Variants in SPOCK1 observed in about 807,000 individuals in gnomAD.
The protein encoded by SPOCK1 is SPARC (osteonectin), cwcv and kazal like domains proteoglycan 1.
Under a neutral mutation model 55.3 loss-of-function variants are expected in SPOCK1, and 23 were observed. That is an observed-to-expected ratio of 0.42 (90% CI 0.30 to 0.59). The LOEUF (loss-of-function observed/expected upper bound fraction) is 0.59. Among genes scored for constraint, SPOCK1 ranks in the 20% least tolerant of loss-of-function variants. The probability of loss-of-function intolerance (pLI) is 0.22; values close to 1 mark genes in which losing one functional copy is unlikely to be tolerated. For missense variants in SPOCK1, 499 were observed against 552.5 expected, an observed-to-expected ratio of 0.90 and a Z score of 0.97; for synonymous variants, 226 against 221.0, an observed-to-expected ratio of 1.02 and a Z score of -0.20.
chr5:137,148,025 C>T (rs1754237935), intron 3 of SPOCK1, among the ~76,000 whole-genome samples: 2 of 152,178 alleles, frequency 1.3e-5, no homozygotes, highest in South Asian at 4.1e-4. Flanking sequence ...GCGCCTTTCC[C>T]TTCCCTACCC....
intron 5 of SPOCK1, among the ~76,000 whole-genome samples, chr5:137,079,349 C>T (rs948471298): frequency 1.3e-5 from 2 of 152,200 alleles, no homozygotes; most frequent in African/African-American, 4.8e-5. Context: ...GACAGCCCCA[C>T]CCATCTAACC....
chr5:137,031,155 C>A (rs148063612), intron 6 of SPOCK1, among the ~76,000 whole-genome samples: 2 of 152,280 alleles, frequency 1.3e-5, no homozygotes, highest in Non-Finnish European at 2.9e-5. Context: ...GTACCATTTC[C>A]TAACTCTTTT....
At chr5:137,120,138 AC>A (rs1313651265) in intron 4 of SPOCK1, among the ~76,000 whole-genome samples, 3 of 152,012 alleles carry the variant, frequency 2.0e-5, no homozygotes, top group African/African-American at 7.3e-5. Flanking sequence ...TATGTGCTTC[AC>A]CCCGTCTTGC....
At chr5:137,495,203 T>C (rs928797502) in intron 2 of SPOCK1, among the ~76,000 whole-genome samples, 3 of 152,182 alleles carry the variant, frequency 2.0e-5, no homozygotes, top group African/African-American at 7.2e-5. Flanking sequence ...AGGCTTTACT[T>C]CTAAAAAGAA....
intron 3 of SPOCK1, among the ~76,000 whole-genome samples, chr5:137,259,608 T>C (rs1171245219): frequency 6.6e-6 from 1 of 150,806 alleles, no homozygotes; most frequent in Non-Finnish European, 1.5e-5. Flanking sequence ...CTGCACATTC[T>C]GCACATGTGC....
intron 2 of SPOCK1, among the ~76,000 whole-genome samples, chr5:137,348,904 G>A (rs992861877): frequency 1.3e-5 from 2 of 152,190 alleles, no homozygotes; most frequent in African/African-American, 4.8e-5. Context: ...ACCCACTGCA[G>A]ATCAATACAG....
At position 137,297,270 on chromosome 5, in the gene SPOCK1, T is replaced by C. The variant is rs187756412; in HGVS notation, c.187-30215A>G. ...ATTAAGACTGTCCTCAGAATGCGTC[T>C]CCTTTGGAATTACTGAGTAAACTAT... is the stretch of plus-strand genomic sequence containing the variant. On this transcript the variant is annotated intron_variant, in intron 2 of 10. Coordinates refer to ENST00000394945, the MANE Select transcript of SPOCK1 (RefSeq NM_004598.4). 6.1e-3 allele frequency among the ~76,000 whole-genome samples: 935 copies of C among 152,312 alleles called. 1 individual carries two copies. Among genetic ancestry groups the C allele is most frequent in the Non-Finnish European group, 0.01 (683 of 68,034 alleles).
chr5:137,477,368 T>A (rs150033721), intron 2 of SPOCK1, among the ~76,000 whole-genome samples: 142 of 152,298 alleles, frequency 9.3e-4, no homozygotes, highest in Non-Finnish European at 1.8e-3. Flanking sequence ...TTTTTGTTTG[T>A]GTTTTTTTTA....
At chr5:137,164,786 C>T (rs1339503830) in intron 3 of SPOCK1, among the ~76,000 whole-genome samples, 2 of 152,162 alleles carry the variant, frequency 1.3e-5, no homozygotes, top group African/African-American at 4.8e-5. Context: ...GGCAGTACTC[C>T]CTGTGAGCCT....
At chr5:137,435,341 G>A (rs147968104) in intron 2 of SPOCK1, among the ~76,000 whole-genome samples, 148 of 152,314 alleles carry the variant, frequency 9.7e-4, no homozygotes, top group African/African-American at 3.3e-3. Context: ...CTGCCAAATT[G>A]ATTTATCTAA....
At chr5:137,457,911 C>T (rs1004402298) in intron 2 of SPOCK1, among the ~76,000 whole-genome samples, 2 of 152,222 alleles carry the variant, frequency 1.3e-5, no homozygotes, top group African/African-American at 4.8e-5. Context: ...AGAAAACCCA[C>T]AGAAATGACT....
chr5:137,296,756 T>C (rs1039820556), intron 2 of SPOCK1, among the ~76,000 whole-genome samples: 1 of 152,128 alleles, frequency 6.6e-6, no homozygotes, highest in African/African-American at 2.4e-5. Context: ...AAAAGGTACA[T>C]TCAATGCTAT....
At chr5:137,344,926 C>T (rs777203780) in intron 2 of SPOCK1, among the ~76,000 whole-genome samples, 15 of 152,340 alleles carry the variant, frequency 9.8e-5, no homozygotes, top group East Asian at 1.9e-4. Context: ...TACCACCAGG[C>T]AGCAGTGCTG....
chr5:137,488,135 A>G (rs1218389951), intron 2 of SPOCK1, among the ~76,000 whole-genome samples: 1 of 152,078 alleles, frequency 6.6e-6, no homozygotes, highest in Admixed American at 6.5e-5. Context: ...CCAGCACTTT[A>G]AGAGGCCAAG....
chr5:137,074,043 AG>A (rs1752675777), intron 5 of SPOCK1, among the ~76,000 whole-genome samples: 1 of 152,192 alleles, frequency 6.6e-6, no homozygotes, highest in Non-Finnish European at 1.5e-5. Flanking sequence ...TGTATTAAAA[AG>A]GTTGAACCCG....
chr5:137,211,717 A>G (rs1457501735), intron 3 of SPOCK1, among the ~76,000 whole-genome samples: 1 of 152,200 alleles, frequency 6.6e-6, no homozygotes, highest in Non-Finnish European at 1.5e-5. Flanking sequence ...GAAGGGCTGC[A>G]GGTTGAGTTG....
intron 2 of SPOCK1, among the ~76,000 whole-genome samples, chr5:137,456,370 A>G (rs1408634639): frequency 6.6e-6 from 1 of 152,204 alleles, no homozygotes; most frequent in Non-Finnish European, 1.5e-5. Context: ...CTGTTTGTAC[A>G]TACTTTTAAT....
At chr5:137,273,490 A>T in intron 2 of SPOCK1, 1 of 574,788 alleles carries the variant, frequency 1.7e-6, no homozygotes, top group Non-Finnish European at 2.2e-6. Context: ...TCAAATTATC[A>T]TAACATTAGA....
chr5:137,029,872 C>T (rs1245240281), intron 6 of SPOCK1, among the ~76,000 whole-genome samples: 2 of 152,274 alleles, frequency 1.3e-5, no homozygotes, highest in African/African-American at 2.4e-5. Context: ...AGAGGAGGTT[C>T]CGTTTTGTTT....
Sources: gnomAD v4.1 joint callset for allele counts (sites outside exome capture counted in the v4.1 genomes callset) on GRCh38, gnomAD v4.1.1 for gene constraint, MANE v1.5 for transcripts, NCBI Gene and HGNC (gene_info 2026-07-23, HGNC 2026-07-21) for gene names.